SPAG1: variants seen among roughly 807,000 people sequenced by gnomAD.
The protein encoded by SPAG1 is sperm-associated antigen 1.
In SPAG1, 69 loss-of-function variants were observed where a neutral mutation model predicts 100.5. That is an observed-to-expected ratio of 0.69 (90% CI 0.57 to 0.84). The LOEUF (loss-of-function observed/expected upper bound fraction) is 0.84, where lower values mean the gene tolerates loss of function less well. Ranked by LOEUF, SPAG1 falls within the 40% of genes least tolerant of loss-of-function variation. The pLI is 0.00. For synonymous variants in SPAG1, 336 were observed against 411.6 expected, an observed-to-expected ratio of 0.82 and a Z score of 2.22; for missense variants, 955 against 1,133.1, an observed-to-expected ratio of 0.84 and a Z score of 2.26.
intron 12 of SPAG1, among the ~76,000 whole-genome samples, chr8:100,214,988 CATATATAT>C (rs71274967): frequency 1.1e-3 from 78 of 68,662 alleles, no homozygotes; most frequent in South Asian, 2.8e-3. Flanking sequence ...AAACTTTACT[CATATATAT>C]ATATATATAT....
chr8:100,212,047 C>T (rs1050123595), intron 10 of SPAG1, among the ~76,000 whole-genome samples: 15 of 152,208 alleles, frequency 9.9e-5, no homozygotes, highest in African/African-American at 3.6e-4. Flanking sequence ...ATCTTTATAG[C>T]AAAATCTTTT....
At chr8:100,236,870 GATAC>G (rs1819030188) in intron 16 of SPAG1, among the ~76,000 whole-genome samples, 1 of 152,056 alleles carries the variant, frequency 6.6e-6, no homozygotes, top group Admixed American at 6.5e-5. Context: ...TGTAGAGGAT[GATAC>G]ATACAATTGT....
intron 4 of SPAG1, among the ~76,000 whole-genome samples, chr8:100,182,552 C>G (rs1255551727): frequency 6.6e-6 from 1 of 152,194 alleles, no homozygotes; most frequent in Admixed American, 6.5e-5. Context: ...GCAGGGAGAG[C>G]TGGAGAAAGG....
At chr8:100,220,212 TCAGTG>T in intron 12 of SPAG1, 62 bp from the exon 13 acceptor site, 1 of 1,343,370 alleles carries the variant, frequency 7.4e-7, no homozygotes, top group Non-Finnish European at 1.0e-6. Context: ...CAGTATCTAT[TCAGTG>T]AAGTATAAAC....
Position 100,241,161 on chromosome 8 carries a change from C to G in SPAG1, c.*139C>G. ...CACTATAAAACATTTTACTTATTTT[C>G]CTACATAGAACATGTATATTCTACA... On this transcript the variant is annotated 3_prime_UTR_variant, in exon 19 of 19. Coordinates refer to ENST00000388798, the MANE Select transcript of SPAG1 (RefSeq NM_003114.5). The surrounding 1 kb of genome is among the most constrained non-coding windows in gnomAD (Gnocchi z 5.1). 1.5e-6 allele frequency: 1 copy of G among 671,658 alleles called. No individual in the cohort carries two copies. The highest frequency in any genetic ancestry group is 2.9e-5 in the East Asian group (1 of 34,094). The allele number at this position is 671,658 out of a possible 1,614,324, so 41.6% of individuals were successfully genotyped here.
chr8:100,170,034 T>G (rs931946952), intron 3 of SPAG1, among the ~76,000 whole-genome samples: 3 of 152,274 alleles, frequency 2.0e-5, no homozygotes, highest in African/African-American at 4.8e-5. Context: ...TTTGTTCTTT[T>G]TAAAAGTTGT....
At chr8:100,188,562 T>A (rs907465240) in intron 8 of SPAG1, among the ~76,000 whole-genome samples, 8 of 152,322 alleles carry the variant, frequency 5.3e-5, no homozygotes, top group Admixed American at 2.0e-4. Flanking sequence ...GCACTCTATT[T>A]TGATTCCCTG....
chr8:100,183,368 C>T lies in SPAG1; in HGVS notation c.427-7C>T, dbSNP rs777290504. 1 of 1,226,026 alleles carries T rather than the reference C, an allele frequency of 8.2e-7. No homozygotes were observed. Among genetic ancestry groups the T allele is most frequent in the Non-Finnish European group, 1.2e-6 (1 of 843,740 alleles). 75.9% of individuals were successfully genotyped at this position (1,226,026 alleles called of 1,614,324 possible). A position where few individuals can be genotyped will look rare whatever the true frequency, so the allele number is the denominator to read the frequency against. ...ATGTCTCATAAAATATGATTTTATT[C>T]TTTTAGGAAAAATATTCTAAAAGAC... On this transcript the variant is annotated splice_polypyrimidine_tract_variant and splice_region_variant and intron_variant, in intron 4 of 18. Transcript: ENST00000388798.
chr8:100,216,257 G>A (rs1432638509), intron 12 of SPAG1, among the ~76,000 whole-genome samples: 2 of 152,164 alleles, frequency 1.3e-5, no homozygotes, highest in African/African-American at 2.4e-5. Context: ...CAGCTCAACT[G>A]TCTGTTTCTA....
Position 100,205,380 on chromosome 8 carries a change from C to T in SPAG1, c.1097-7710C>T, listed in dbSNP as rs190471215. ...TGAGCTGATACTGATTCCAGGAGACCCAAAACATCATTGCGGTCCTCCAGG... is the reference window on the plus strand; with the variant it reads ...TGAGCTGATACTGATTCCAGGAGACTCAAAACATCATTGCGGTCCTCCAGG... On this transcript the variant is annotated intron_variant, in intron 10 of 18. Transcript: ENST00000388798. Among the ~76,000 whole-genome samples, 259 of 152,280 alleles carry T rather than the reference C, an allele frequency of 1.7e-3. 1 individual carries two copies. Among genetic ancestry groups the T allele is most frequent in the Non-Finnish European group, 2.6e-3 (174 of 68,022 alleles).
intron 10 of SPAG1, among the ~76,000 whole-genome samples, chr8:100,204,705 G>A (rs1817432413): frequency 6.6e-6 from 1 of 152,106 alleles, no homozygotes; most frequent in Admixed American, 6.6e-5. Flanking sequence ...CAGCTGGGAG[G>A]GTCCAGAAGA....
chr8:100,239,476 G>GT lies in SPAG1; in HGVS notation c.2280+73dup. 1 of 966,984 alleles carries GT rather than the reference G, an allele frequency of 1.0e-6. No individual in the cohort carries two copies. The highest frequency in any genetic ancestry group is 1.6e-6 in the Non-Finnish European group (1 of 620,916). The allele number at this position is 966,984 out of a possible 1,614,324, so 59.9% of individuals were successfully genotyped here. A position where few individuals can be genotyped will look rare whatever the true frequency, so the allele number is the denominator to read the frequency against. On this transcript the variant is annotated intron_variant, in intron 17 of 18. Coordinates refer to ENST00000388798, the MANE Select transcript of SPAG1 (RefSeq NM_003114.5). The surrounding 1 kb of genome is among the most constrained non-coding windows in gnomAD (Gnocchi z 5.0). ...GACTGGATTCTAAGGTCATATTCCT[G>GT]TGAGTTCTAAAACATTTTTAATTTT...
rs1346169312 is a variant in SPAG1, at chr8:100,194,148, T to C, written c.976T>C (p.Ser326Pro). The C allele has an allele frequency of 6.3e-7, 1 of 1,592,970 alleles. No individual in the cohort carries two copies. The highest frequency in any genetic ancestry group is 8.5e-7 in the Non-Finnish European group (1 of 1,172,950). The change falls in exon 10 of 19, where the codon TCT becomes CCT. Residue 326 changes from serine to proline, a missense_variant. Ser to Pro is a moderately conservative substitution (Grantham distance 74, BLOSUM62 -1). Transcript: ENST00000388798. Reference protein sequence around the residue: ...LSEVERDLKNSEAASETQTKG... With the variant: ...LSEVERDLKNPEAASETQTKG... Reference sequence around the variant, plus strand: ...AGAGGTTGAAAGAGATCTGAAAAATTCTGAAGCTGCATCTGAGACTCAAAC... The same window carrying C: ...AGAGGTTGAAAGAGATCTGAAAAATCCTGAAGCTGCATCTGAGACTCAAAC...
At chr8:100,223,477 A>G (rs1818370788) in intron 13 of SPAG1, among the ~76,000 whole-genome samples, 1 of 151,946 alleles carries the variant, frequency 6.6e-6, no homozygotes, top group Non-Finnish European at 1.5e-5. Flanking sequence ...TTTTATATAC[A>G]ATATCTGTTT....
At chr8:100,167,014 A>G (rs1690339992) in intron 3 of SPAG1, among the ~76,000 whole-genome samples, 3 of 152,286 alleles carry the variant, frequency 2.0e-5, no homozygotes, top group South Asian at 4.2e-4. Context: ...TTGTACCTTC[A>G]TACACCACCC....
At position 100,240,508 on chromosome 8, in the gene SPAG1, G is replaced by A. The variant is rs751735079; in HGVS notation, c.2386G>A (p.Glu796Lys). The change falls in exon 18 of 19, where the codon GAG becomes AAG. Residue 796 changes from glutamate to lysine, a missense_variant. Physicochemically the swap from Glu to Lys is moderately conservative, Grantham distance 56. Coordinates refer to ENST00000388798, the MANE Select transcript of SPAG1 (RefSeq NM_003114.5). ...AAGCAGCAGGTCACCAGAAGACCCT[G>A]AGAAACTTCCGATAGCCAAGCCTAA... Reference protein sequence around the residue: ...GKSSRSPEDPEKLPIAKPNNA... With the variant: ...GKSSRSPEDPKKLPIAKPNNA... 1 of 1,614,180 alleles carries A rather than the reference G, an allele frequency of 6.2e-7. No homozygotes were observed. The highest frequency in any genetic ancestry group is 1.7e-5 in the Admixed American group (1 of 60,030).
chr8:100,240,460 C>T lies in SPAG1; in HGVS notation c.2338C>T (p.Leu780Phe), dbSNP rs926511718. Residue 780 changes from leucine to phenylalanine, a missense_variant, in exon 18 of 19, where the codon CTT becomes TTT. Coordinates refer to ENST00000388798, the MANE Select transcript of SPAG1 (RefSeq NM_003114.5). ...TGCAGGGGAGGTCTCCATGGGATGC[C>T]TTGCTTCTGAGAAGGGAGGCAAAAG... ...RPAGEVSMGC[L>F]ASEKGGKSSR... is the part of the protein sequence containing the mutation. 2.5e-6 allele frequency: 4 copies of T among 1,613,756 alleles called. No homozygotes were observed. The African/African-American group carries it at 5.3e-5, about 22-fold the overall frequency.
chr8:100,224,535 C>G (rs1818423100), intron 13 of SPAG1, among the ~76,000 whole-genome samples: 1 of 152,032 alleles, frequency 6.6e-6, no homozygotes, highest in South Asian at 2.1e-4. Flanking sequence ...GAGTGAGACT[C>G]CATCTCAAAA....
intron 1 of SPAG1, 169 bp downstream of exon 1, chr8:100,158,785 C>T (rs938041696): frequency 1.3e-5 from 2 of 151,818 alleles, no homozygotes; most frequent in African/African-American, 2.4e-5. Flanking sequence ...TTGAGATGGA[C>T]ATTCAGTAGT....
Sources: gnomAD v4.1 joint callset for allele counts (sites outside exome capture counted in the v4.1 genomes callset) on GRCh38, gnomAD v4.1.1 for gene constraint, Gnocchi (gnomAD v3.1) non-coding constraint, MANE v1.5 for transcripts, NCBI Gene and HGNC (gene_info 2026-07-23, HGNC 2026-07-21) for gene names.